Variants in COL5A2 observed in about 807,000 individuals in gnomAD.
COL5A2 encodes collagen alpha-2(V) chain.
COL5A2 carries 23 observed loss-of-function variants against 208.2 expected under a neutral mutation model. The ratio of observed to expected loss-of-function variants is 0.11; its 90% CI spans 0.08 to 0.16. The LOEUF (loss-of-function observed/expected upper bound fraction) is 0.16, where lower values mean the gene tolerates loss of function less well. Ranked by LOEUF, COL5A2 falls within the 10% of genes least tolerant of loss-of-function variation. The probability of loss-of-function intolerance (pLI) is 1.00; values close to 1 mark genes in which losing one functional copy is unlikely to be tolerated. For synonymous variants in COL5A2, 625 were observed against 628.5 expected (o/e 0.99, Z 0.08); for missense variants, 1,590 against 1,956.4 (o/e 0.81, Z 3.53).
Position 189,066,414 on chromosome 2 carries a change from A to T in COL5A2, c.1539T>A (p.Gly513=), listed in dbSNP as rs1304665023. The T allele has an allele frequency of 6.2e-7, 1 of 1,613,982 alleles. No homozygotes were observed. The highest frequency in any genetic ancestry group is 8.5e-7 in the Non-Finnish European group (1 of 1,179,996). Residue 513 remains glycine, a synonymous_variant, in exon 23 of 54, where the codon GGT becomes GGA. Transcript: ENST00000374866. ...RGPRGDPGTV[G]PPGPVGERGA... ...CCCTTTCTCCCACTGGCCCTGGAGG[A>T]CCAACTGTTCCTGGGTCACCTCTGG...
chr2:189,438,920 T>C, the COL5A2 span, among the ~76,000 whole-genome samples: 1 of 152,156 alleles, frequency 6.6e-6, no homozygotes, highest in Admixed American at 6.5e-5. Flanking sequence ...TGGCCTCTTA[T>C]TACCTCTCTG....
chr2:189,195,846 T>C (rs934590258), intron 1 of COL5A2, among the ~76,000 whole-genome samples: 1 of 151,996 alleles, frequency 6.6e-6, no homozygotes, highest in African/African-American at 2.4e-5. Flanking sequence ...CCCAAAACCA[T>C]AAAATCCTAG....
intron 31 of COL5A2, among the ~76,000 whole-genome samples, 167 bp downstream of exon 31, chr2:189,060,563 C>T (rs1245728362): frequency 1.3e-5 from 2 of 152,104 alleles, no homozygotes; most frequent in Non-Finnish European, 2.9e-5. Flanking sequence ...GCCCCATTTT[C>T]CTCATCTACA....
chr2:189,335,230 A>T, the COL5A2 span, among the ~76,000 whole-genome samples: 1 of 152,102 alleles, frequency 6.6e-6, no homozygotes, highest in East Asian at 1.9e-4. Flanking sequence ...CACTATCATC[A>T]CAATAATCAA....
At chr2:189,403,817 G>T in the COL5A2 span, among the ~76,000 whole-genome samples, 7 of 152,270 alleles carry the variant, frequency 4.6e-5, no homozygotes, top group Non-Finnish European at 1.0e-4. Context: ...AATTTGGTTT[G>T]CCAGTATTTT....
chr2:189,215,641 A>C (rs1472829713), intron 1 of COL5A2, among the ~76,000 whole-genome samples: 1 of 152,006 alleles, frequency 6.6e-6, no homozygotes, highest in Non-Finnish European at 1.5e-5. Context: ...GGGCAGTGCT[A>C]TTCTGAAAAA....
At chr2:189,325,747 GA>G in the COL5A2 span, among the ~76,000 whole-genome samples, 1 of 152,042 alleles carries the variant, frequency 6.6e-6, no homozygotes, top group Admixed American at 6.6e-5. Flanking sequence ...GAAAGTTCCA[GA>G]ACTATATATG....
At chr2:189,114,631 T>TA (rs1184564981) in intron 1 of COL5A2, among the ~76,000 whole-genome samples, 3,756 of 122,858 alleles carry the variant, frequency 0.031, 85 homozygotes, top group South Asian at 0.095. Flanking sequence ...GCCCAGGACT[T>TA]AAAAAAAAAA....
chr2:189,096,394 G>A (rs1371750069), intron 6 of COL5A2, among the ~76,000 whole-genome samples: 3 of 151,766 alleles, frequency 2.0e-5, no homozygotes, highest in Admixed American at 6.6e-5. Context: ...AAGAAAAAAC[G>A]TTGTAGGGAG....
intron 1 of COL5A2, among the ~76,000 whole-genome samples, chr2:189,216,200 A>T (rs1689276188): frequency 6.6e-6 from 1 of 152,176 alleles, no homozygotes; most frequent in Non-Finnish European, 1.5e-5. Flanking sequence ...AAATGAAAAT[A>T]ATATTTTTCT....
intron 25 of COL5A2, 27 bp downstream of exon 25, chr2:189,064,530 T>C (rs1332932508): frequency 2.0e-6 from 3 of 1,521,636 alleles, no homozygotes; most frequent in South Asian, 1.1e-5. Flanking sequence ...TCCCCTTTGA[T>C]GTAGCAAACA....
rs62184175 is a variant in COL5A2, at chr2:189,039,508, G to A, written c.3689C>T (p.Thr1230Ile). 39 of 1,613,950 alleles carry A rather than the reference G, an allele frequency of 2.4e-5. No homozygotes were observed. Among genetic ancestry groups the A allele is most frequent in the Non-Finnish European group, 3.2e-5 (38 of 1,180,026 alleles). ...PGPPGPPGHLTAALGDIMGHY... is the reference protein window; with the variant it reads ...PGPPGPPGHLIAALGDIMGHY... ...CCCCATGATATCCCCAAGAGCAGCT[G>A]TAAGGTGGCCAGGGGGACCCGGAGG... Residue 1230 changes from threonine (T) to isoleucine (I), a missense_variant, in exon 51 of 54, where the codon ACA (threonine) becomes ATA (isoleucine). Transcript: ENST00000374866.
chr2:189,413,148 T>C, the COL5A2 span, among the ~76,000 whole-genome samples: 53 of 152,180 alleles, frequency 3.5e-4, no homozygotes, highest in South Asian at 1.2e-3. Context: ...ATAGGTCGGG[T>C]CAATTTATGA....
In COL5A2 at chr2:189,081,055, A is replaced by C. The variant is rs987901961; in HGVS notation, c.853-12T>G. The C allele has an allele frequency of 1.2e-6, 2 of 1,612,374 alleles. No individual in the cohort carries two copies. Among genetic ancestry groups the C allele is most frequent in the Admixed American group, 1.7e-5 (1 of 59,964 alleles). On this transcript the variant is annotated splice_polypyrimidine_tract_variant and intron_variant, in intron 12 of 53. Coordinates refer to ENST00000374866, the MANE Select transcript of COL5A2 (RefSeq NM_000393.5). The stretch of plus-strand genomic sequence containing the variant: ...AATCCACGAGCTCCCTGGGAGGAAA[A>C]CATAGATAGGGCATTTTACAGTCAT...
At chr2:189,362,184 C>A in the COL5A2 span, among the ~76,000 whole-genome samples, 119 of 151,936 alleles carry the variant, frequency 7.8e-4, no homozygotes, top group African/African-American at 2.8e-3. Flanking sequence ...AAAATTTTAC[C>A]ATCTTGAATC....
upstream of COL5A2, among the ~76,000 whole-genome samples, chr2:189,183,021 A>C (rs1293189700): frequency 6.6e-6 from 1 of 152,152 alleles, no homozygotes; most frequent in East Asian, 1.9e-4. Context: ...TGAAAATAAA[A>C]AAAGAAGGGG....
At chr2:189,126,069 A>C (rs751892526) in intron 1 of COL5A2, among the ~76,000 whole-genome samples, 16 of 152,086 alleles carry the variant, frequency 1.1e-4, no homozygotes, top group Admixed American at 4.6e-4. Flanking sequence ...AAACTCCACT[A>C]TATGTGTTCT....
intron 44 of COL5A2, among the ~76,000 whole-genome samples, chr2:189,048,959 T>C (rs1685725753): frequency 6.6e-6 from 1 of 152,172 alleles, no homozygotes; most frequent in South Asian, 2.1e-4. Context: ...TTTGCCCTTT[T>C]CACAAGCTGG....
the COL5A2 span, among the ~76,000 whole-genome samples, chr2:189,265,911 C>T: frequency 6.6e-6 from 1 of 152,144 alleles, no homozygotes; most frequent in Non-Finnish European, 1.5e-5. Flanking sequence ...AACAGTTTGG[C>T]ATTTCCCCAA....
Sources: allele counts gnomAD v4.1 joint callset (sites outside exome capture counted in the v4.1 genomes callset), GRCh38; gene constraint gnomAD v4.1.1; transcripts MANE v1.5; gene names NCBI Gene and HGNC (gene_info 2026-07-23, HGNC 2026-07-21).